Variants in TAFA5 observed in about 807,000 individuals in gnomAD.
TAFA5 encodes TAFA chemokine like family member 5.
In TAFA5, 6 loss-of-function variants were observed where a neutral mutation model predicts 15.3. The observed-to-expected ratio is 0.39, with a 90% CI of 0.21 to 0.77. TAFA5 has a LOEUF of 0.77. Ranked by LOEUF, TAFA5 falls within the 30% of genes least tolerant of loss-of-function variation. TAFA5 has a pLI of 0.41. For synonymous variants in TAFA5, 103 were observed against 80.7 expected (o/e 1.28, Z -1.48); for missense variants, 161 against 193.1 (o/e 0.83, Z 0.98).
Position 48,588,012 on chromosome 22 carries a change from C to T in TAFA5, c.113-58585C>T, listed in dbSNP as rs138843821. 3.8e-4 allele frequency among the ~76,000 whole-genome samples: 58 copies of T among 152,306 alleles called. No homozygotes were observed. The East Asian group carries it at 3.9e-3, about 10-fold the overall frequency. On this transcript the variant is annotated intron_variant, in intron 1 of 3. Coordinates refer to ENST00000402357, the MANE Select transcript of TAFA5 (RefSeq NM_001082967.3). ...ACTCCAGAAGGGAAGCAGGCAGGCCCGGGTTATCCTGCAGGTGCCAGGAGC... is the reference window on the plus strand; with the variant it reads ...ACTCCAGAAGGGAAGCAGGCAGGCCTGGGTTATCCTGCAGGTGCCAGGAGC...
intron 1 of TAFA5, among the ~76,000 whole-genome samples, chr22:48,583,906 TAAAC>T (rs1471371612): frequency 8.3e-6 from 1 of 119,780 alleles, no homozygotes; most frequent in Non-Finnish European, 1.8e-5. Context: ...CCACACAAAA[TAAAC>T]CTCATACACC....
chr22:48,555,901 G>C (rs1923021197), intron 1 of TAFA5, among the ~76,000 whole-genome samples: 1 of 152,208 alleles, frequency 6.6e-6, no homozygotes, highest in Non-Finnish European at 1.5e-5. Context: ...CTGGCCTTGG[G>C]TGGTGCTTGT....
At chr22:48,515,440 C>T (rs1921370110) in intron 1 of TAFA5, among the ~76,000 whole-genome samples, 1 of 152,188 alleles carries the variant, frequency 6.6e-6, no homozygotes, top group Non-Finnish European at 1.5e-5. Flanking sequence ...CCTGGGTCAC[C>T]TTCACGGCAC....
At chr22:48,585,015 A>C (rs1924288821) in intron 1 of TAFA5, among the ~76,000 whole-genome samples, 1 of 143,126 alleles carries the variant, frequency 7.0e-6, no homozygotes, top group Admixed American at 7.5e-5. Flanking sequence ...CACATGCAGA[A>C]TACACCACAC....
chr22:48,542,661 G>GTGGTGTGTGTGTGTGGT (rs1366596165), intron 1 of TAFA5, among the ~76,000 whole-genome samples: 2 of 130,456 alleles, frequency 1.5e-5, no homozygotes, highest in Admixed American at 1.6e-4. Flanking sequence ...GTGTGTGTGT[G>GTGGTGTGTGTGTGTGGT]GTGTGTGTGT....
chr22:48,660,763 G>T (rs936199040), intron 2 of TAFA5, among the ~76,000 whole-genome samples: 2 of 152,320 alleles, frequency 1.3e-5, no homozygotes, highest in Admixed American at 6.5e-5. Context: ...CTCCCAGGCC[G>T]GGGTCTCTCT....
intron 3 of TAFA5, among the ~76,000 whole-genome samples, chr22:48,730,733 G>A (rs1929847361): frequency 6.6e-6 from 1 of 152,180 alleles, no homozygotes; most frequent in Non-Finnish European, 1.5e-5. Flanking sequence ...CCATGCCCGT[G>A]TAAGATGGCA....
At chr22:48,491,534 G>T (rs1223283302) in intron 1 of TAFA5, among the ~76,000 whole-genome samples, 5 of 152,208 alleles carry the variant, frequency 3.3e-5, no homozygotes, top group Non-Finnish European at 5.9e-5. Flanking sequence ...CAGCAGGTGT[G>T]GAAAAGAACA....
At chr22:48,611,348 G>A (rs777090360) in intron 1 of TAFA5, among the ~76,000 whole-genome samples, 6 of 152,110 alleles carry the variant, frequency 3.9e-5, no homozygotes, top group Admixed American at 1.3e-4. Flanking sequence ...GTTGCCTTTC[G>A]TACACCCAGA....
At chr22:48,594,894 TG>T (rs1289019548) in intron 1 of TAFA5, among the ~76,000 whole-genome samples, 6 of 140,894 alleles carry the variant, frequency 4.3e-5, no homozygotes, top group African/African-American at 1.0e-4. Context: ...TTTTTTTTTT[TG>T]GTGCTCAGAG....
chr22:48,624,822 G>A (rs1446158716), intron 1 of TAFA5, among the ~76,000 whole-genome samples: 3 of 152,154 alleles, frequency 2.0e-5, no homozygotes, highest in South Asian at 2.1e-4. Flanking sequence ...GGTCTTGGCC[G>A]GGTGTGGTGG....
At chr22:48,544,402 C>T (rs970882783) in intron 1 of TAFA5, 12 of 345,320 alleles carry the variant, frequency 3.5e-5, no homozygotes, top group Admixed American at 1.9e-4. Flanking sequence ...CCCCACTCCA[C>T]GGCCAGTCTT....
rs28595636 is a variant in TAFA5, at chr22:48,566,671, C to T, written c.112+76967C>T. On this transcript the variant is annotated intron_variant, in intron 1 of 3. Coordinates refer to ENST00000402357, the MANE Select transcript of TAFA5 (RefSeq NM_001082967.3). This position sits in a 1 kb window ranked among gnomAD's most constrained non-coding sequence, Gnocchi z 4.5. ...CTCAGCCTTAGTTTCCTCAGCAATA[C>T]GTTGGGGGGTGGGGTGGAATCTTTG... Among the ~76,000 whole-genome samples the T allele has an allele frequency of 0.07, 10,653 of 152,144 alleles. 434 individuals carry two copies. The highest frequency in any genetic ancestry group is 0.12 in the Admixed American group (1,775 of 15,302).
intron 1 of TAFA5, among the ~76,000 whole-genome samples, chr22:48,558,344 A>G (rs1029304584): frequency 4.6e-5 from 7 of 152,360 alleles, no homozygotes; most frequent in African/African-American, 1.4e-4. Flanking sequence ...TTACACATAG[A>G]CAAATTAAAT....
chr22:48,517,919 C>T (rs945881856), intron 1 of TAFA5, among the ~76,000 whole-genome samples: 10 of 152,244 alleles, frequency 6.6e-5, no homozygotes, highest in East Asian at 1.9e-4. Flanking sequence ...TCACATGTGA[C>T]GGTGCGGGGG....
At chr22:48,745,844 T>A (rs1930313905) in intron 3 of TAFA5, among the ~76,000 whole-genome samples, 1 of 152,156 alleles carries the variant, frequency 6.6e-6, no homozygotes, top group African/African-American at 2.4e-5. Flanking sequence ...GCACCTCTCC[T>A]GGCAGCACCA....
chr22:48,638,217 AG>A (rs1372960825), intron 1 of TAFA5, among the ~76,000 whole-genome samples: 2 of 152,048 alleles, frequency 1.3e-5, no homozygotes, highest in African/African-American at 4.8e-5. Context: ...GACTGGTCAC[AG>A]GGTACACGTG....
intron 3 of TAFA5, among the ~76,000 whole-genome samples, chr22:48,734,382 T>C (rs1929950851): frequency 6.6e-6 from 1 of 152,256 alleles, no homozygotes; most frequent in Non-Finnish European, 1.5e-5. Context: ...CCCATGGGTT[T>C]TCAGAATTTC....
chr22:48,674,906 CG>C (rs1177633806), intron 2 of TAFA5, among the ~76,000 whole-genome samples: 1 of 151,104 alleles, frequency 6.6e-6, no homozygotes, highest in East Asian at 1.9e-4. Context: ...ATAGAGACTG[CG>C]TAGCCACAGA....
Sources: allele counts gnomAD v4.1 joint callset (sites outside exome capture counted in the v4.1 genomes callset), GRCh38; gene constraint gnomAD v4.1.1; non-coding constraint Gnocchi (gnomAD v3.1); transcripts MANE v1.5; gene names NCBI Gene and HGNC (gene_info 2026-07-23, HGNC 2026-07-21).